FAM20B: variants seen among roughly 807,000 people sequenced by gnomAD.
FAM20B encodes the protein FAM20B glycosaminoglycan xylosylkinase, also known as glycosaminoglycan xylosylkinase.
Under a neutral mutation model 43.8 loss-of-function variants are expected in FAM20B, and 23 were observed. The ratio of observed to expected loss-of-function variants is 0.53; its 90% CI spans 0.38 to 0.74. FAM20B has a LOEUF of 0.74. FAM20B is among the 30% of genes least tolerant of loss of function. The probability of loss-of-function intolerance (pLI) is 0.00; values close to 1 mark genes in which losing one functional copy is unlikely to be tolerated. For synonymous variants in FAM20B, 178 were observed against 192.4 expected, an observed-to-expected ratio of 0.93 and a Z score of 0.62; for missense variants, 440 against 510.5, an observed-to-expected ratio of 0.86 and a Z score of 1.33.
At chr1:179,046,639 CA>C (rs902419898) in intron 2 of FAM20B, among the ~76,000 whole-genome samples, 5 of 151,862 alleles carry the variant, frequency 3.3e-5, no homozygotes, top group Non-Finnish European at 7.4e-5. Context: ...GCAACAAGAG[CA>C]AAACTCCATC....
At chr1:179,064,142 A>T in intron 5 of FAM20B, 44 bp downstream of exon 5, 1 of 1,536,952 alleles carries the variant, frequency 6.5e-7, no homozygotes, top group Non-Finnish European at 8.9e-7. Context: ...CCCTGTGCCT[A>T]GCCAGGTGCC....
rs1321595650 is a variant in FAM20B at position 179,076,468 on chromosome 1, A to G, written c.*4324A>G. 1 of 152,638 alleles carries G rather than the reference A, an allele frequency of 6.6e-6. No homozygotes were observed. The highest frequency in any genetic ancestry group is 2.4e-5 in the African/African-American group (1 of 41,448). The allele number at this position is 152,638 out of a possible 1,614,324, so 9.5% of individuals were successfully genotyped here. A position where few individuals can be genotyped will look rare whatever the true frequency, so the allele number is the denominator to read the frequency against. On this transcript the variant is annotated 3_prime_UTR_variant, in exon 8 of 8. Transcript: ENST00000263733. ...TGCACAGACAGAGATTGTACTTGGT[A>G]AGATACCAAACAAGACAGATATGGA...
At chr1:179,061,907 A>G (rs542430248) in intron 4 of FAM20B, among the ~76,000 whole-genome samples, 1 of 152,208 alleles carries the variant, frequency 6.6e-6, no homozygotes, top group African/African-American at 2.4e-5. Context: ...GGGAACCTCT[A>G]CAAACTAGTT....
At chr1:179,037,472 T>C (rs1489966715) in intron 1 of FAM20B, among the ~76,000 whole-genome samples, 1 of 143,384 alleles carries the variant, frequency 7.0e-6, no homozygotes, top group East Asian at 2.0e-4. Context: ...GCTTTCTGTA[T>C]GTCGGTCTTT....
rs992454649 is a variant in FAM20B at position 179,042,290 on chromosome 1, G to A, written c.-133-1425G>A. Among the ~76,000 whole-genome samples the A allele has an allele frequency of 4.6e-5, 7 of 152,238 alleles. No individual in the cohort carries two copies. The East Asian group carries it at 5.8e-4, about 13-fold the overall frequency. ...GGGTCTGGCCACTGTACACAGCCAC[G>A]CACGCTGGGGCTGCTGTGGTGGGGT... On this transcript the variant is annotated intron_variant, in intron 1 of 7. Coordinates refer to ENST00000263733, the MANE Select transcript of FAM20B (RefSeq NM_014864.4).
At chr1:179,042,509 G>A (rs1650588696) in intron 1 of FAM20B, among the ~76,000 whole-genome samples, 1 of 152,196 alleles carries the variant, frequency 6.6e-6, no homozygotes. Context: ...GAGACCCTAG[G>A]TCTGAGCTCC....
rs1651592138 is a variant in FAM20B, at chr1:179,064,113, G to T, written c.746+15G>T. On this transcript the variant is annotated intron_variant, in intron 5 of 7. Transcript: ENST00000263733. ...AAATTGGCCAGGTAAATGCTCCTAT[G>T]AGCCATTACTTAATTCTCCCCTGTG... 1.3e-6 allele frequency: 2 copies of T among 1,598,916 alleles called. No homozygotes were observed. Among genetic ancestry groups the T allele is most frequent in the East Asian group, 4.5e-5 (2 of 44,646 alleles).
At chr1:179,040,089 TTTC>T (rs1314771658) in intron 1 of FAM20B, among the ~76,000 whole-genome samples, 1 of 152,182 alleles carries the variant, frequency 6.6e-6, no homozygotes, top group African/African-American at 2.4e-5. Flanking sequence ...CAGAAGAACT[TTTC>T]TTAGCACAGA....
chr1:179,039,775 T>C (rs12064695), intron 1 of FAM20B, among the ~76,000 whole-genome samples: 14,042 of 151,664 alleles, frequency 0.093, 1,208 homozygotes, highest in African/African-American at 0.23. Context: ...GGGTGTTTCT[T>C]GCAGAGGGGG....
chr1:179,039,719 G>A (rs1329606997), intron 1 of FAM20B, among the ~76,000 whole-genome samples: 1 of 149,844 alleles, frequency 6.7e-6, no homozygotes, highest in Non-Finnish European at 1.5e-5. Context: ...TGCACCCTGT[G>A]GCATTTTATT....
In FAM20B at chr1:179,072,045, G is replaced by A. The variant is rs144178097; in HGVS notation, c.1131G>A (p.Gln377=). 1.0e-4 allele frequency: 165 copies of A among 1,614,076 alleles called. No homozygotes were observed. The highest frequency in any genetic ancestry group is 1.3e-4 in the Non-Finnish European group (159 of 1,180,048). ...LSDPHLDAVD[Q]RLLSVLATVK... is the part of the protein sequence containing the mutation. ...ATCCTCATCTGGACGCCGTGGACCA[G>A]CGGCTCCTGAGTGTCCTGGCCACCG... The change falls in exon 8 of 8, where the codon CAG becomes CAA. Residue 377 remains glutamine (Q), a synonymous_variant. Transcript: ENST00000263733.
intron 1 of FAM20B, among the ~76,000 whole-genome samples, chr1:179,042,516 C>G (rs184216229): frequency 1.3e-5 from 2 of 152,286 alleles, no homozygotes; most frequent in East Asian, 3.9e-4. Flanking sequence ...TAGGTCTGAG[C>G]TCCACAAAGG....
At chr1:179,052,858 C>T (rs140484380) in intron 3 of FAM20B, among the ~76,000 whole-genome samples, 26 of 152,322 alleles carry the variant, frequency 1.7e-4, no homozygotes, top group African/African-American at 6.0e-4. Context: ...TCTTCCTATC[C>T]TGTTTGTTGG....
At chr1:179,053,933 G>C (rs72709411) in intron 3 of FAM20B, among the ~76,000 whole-genome samples, 3,281 of 152,210 alleles carry the variant, frequency 0.022, 63 homozygotes, top group Middle Eastern at 0.048. Flanking sequence ...TAAATTTTCT[G>C]TGTGTTCCAA....
rs377519094 is a variant in FAM20B at position 179,072,034 on chromosome 1, G to A, written c.1120G>A (p.Ala374Thr). ...SPVLSDPHLD[A>T]VDQRLLSVLA... Reference sequence around the variant, plus strand: ...AGTGCTCTCTGATCCTCATCTGGACGCCGTGGACCAGCGGCTCCTGAGTGT... The same window carrying A: ...AGTGCTCTCTGATCCTCATCTGGACACCGTGGACCAGCGGCTCCTGAGTGT... Residue 374 changes from alanine to threonine, a missense_variant, in exon 8 of 8, where the codon GCC (alanine) becomes ACC (threonine). Ala to Thr is a moderately conservative substitution (Grantham distance 58, BLOSUM62 0). Coordinates refer to ENST00000263733, the MANE Select transcript of FAM20B (RefSeq NM_014864.4). The A allele has an allele frequency of 3.8e-5, 62 of 1,614,132 alleles. No homozygotes were observed. In the African/African-American group the frequency reaches 6.5e-4, roughly 17 times the overall value.
chr1:179,025,418 A>T (rs989843586), upstream of FAM20B, among the ~76,000 whole-genome samples: 2 of 152,150 alleles, frequency 1.3e-5, no homozygotes, highest in Admixed American at 1.3e-4. Context: ...GAAGCGGGGG[A>T]TACATTTAGA....
intron 7 of FAM20B, among the ~76,000 whole-genome samples, chr1:179,071,180 C>T (rs868766377): frequency 1.3e-4 from 20 of 151,978 alleles, no homozygotes; most frequent in South Asian, 1.0e-3. Context: ...CCTGTAGTCC[C>T]AGCTACTCAG....
intron 6 of FAM20B, among the ~76,000 whole-genome samples, chr1:179,065,735 A>G (rs1651662492): frequency 6.6e-6 from 1 of 152,200 alleles, no homozygotes; most frequent in African/African-American, 2.4e-5. Context: ...ATGATACTTG[A>G]TATTTGGTGT....
At position 179,072,386 on chromosome 1, in the gene FAM20B, G is replaced by C. The variant is rs1032385896; in HGVS notation, c.*242G>C. 1 of 512,422 alleles carries C rather than the reference G, an allele frequency of 2.0e-6. No homozygotes were observed. Among genetic ancestry groups the C allele is most frequent in the Non-Finnish European group, 3.5e-6 (1 of 283,608 alleles). The allele number at this position is 512,422 out of a possible 1,614,324, so 31.7% of individuals were successfully genotyped here. ...CCTCCTCGGCAATTGCTCATTCTAG[G>C]GTTGGGCATCATAGTTGGTCAGTCT... On this transcript the variant is annotated 3_prime_UTR_variant, in exon 8 of 8. Transcript: ENST00000263733.
Sources: gnomAD v4.1 joint callset for allele counts (sites outside exome capture counted in the v4.1 genomes callset) on GRCh38, gnomAD v4.1.1 for gene constraint, MANE v1.5 for transcripts, NCBI Gene and HGNC (gene_info 2026-07-23, HGNC 2026-07-21) for gene names.